CCDC122: variants seen among roughly 807,000 people sequenced by gnomAD.
CCDC122 encodes coiled-coil domain-containing protein 122.
A neutral mutation model predicts 37.0 loss-of-function variants in CCDC122; 38 were observed. The observed-to-expected ratio is 1.03, with a 90% confidence interval of 0.79 to 1.35. The LOEUF is 1.35. CCDC122 is among the 40% of genes most tolerant of loss of function. The pLI, the probability that CCDC122 is intolerant of heterozygous loss-of-function variation, is 0.00. For missense variants in CCDC122, 305 were observed against 310.0 expected (o/e 0.98, Z 0.12); for synonymous variants, 83 against 95.6 (o/e 0.87, Z 0.77).
intron 4 of CCDC122, among the ~76,000 whole-genome samples, chr13:43,861,106 T>C (rs901619577): frequency 3.3e-5 from 5 of 152,202 alleles, no homozygotes; most frequent in African/African-American, 1.2e-4. Flanking sequence ...GGGGATTGGC[T>C]GATTGTAAGA....
chr13:43,837,556 G>T, intron 6 of CCDC122, 127 bp from the exon 7 acceptor site: 1 of 740,616 alleles, frequency 1.4e-6, no homozygotes, highest in Non-Finnish European at 2.0e-6. Flanking sequence ...AAATAATTAT[G>T]ATAAAAATAA....
downstream of CCDC122, among the ~76,000 whole-genome samples, chr13:43,821,579 C>G (rs1378181794): frequency 6.6e-6 from 1 of 152,228 alleles, no homozygotes; most frequent in East Asian, 1.9e-4. Flanking sequence ...AACTCTCTAC[C>G]CCATCTCTTT....
chr13:43,876,998 C>T (rs1954630335), intron 1 of CCDC122, among the ~76,000 whole-genome samples: 2 of 152,136 alleles, frequency 1.3e-5, no homozygotes, highest in East Asian at 3.9e-4. Context: ...GTAATCCTAG[C>T]TACTTGGGAG....
Position 43,836,821 on chromosome 13 carries a change from C to G in CCDC122, c.*459G>C, listed in dbSNP as rs1178605081. The stretch of plus-strand genomic sequence containing the variant: ...GCCGAGACTGCGCCACTGCAGTCCG[C>G]AGTCCGGCCTGGGCGACAGAGCGAG... On this transcript the variant is annotated 3_prime_UTR_variant, in exon 7 of 7. Coordinates refer to ENST00000444614, the MANE Select transcript of CCDC122 (RefSeq NM_144974.5). 1.6e-5 allele frequency: 2 copies of G among 125,394 alleles called. No homozygotes were observed. The highest frequency in any genetic ancestry group is 3.1e-5 in the Non-Finnish European group (2 of 64,194). The allele number at this position is 125,394 out of a possible 1,614,324, so 7.8% of individuals were successfully genotyped here.
chr13:43,860,426 G>T (rs1391361113), intron 4 of CCDC122, among the ~76,000 whole-genome samples: 1 of 152,074 alleles, frequency 6.6e-6, no homozygotes, highest in Admixed American at 6.6e-5. Context: ...ATAAAGCCCT[G>T]AGTTAAGAAT....
At chr13:43,824,703 A>G (rs1953023342) in intron 3 of CCDC122, among the ~76,000 whole-genome samples, 1 of 152,210 alleles carries the variant, frequency 6.6e-6, no homozygotes, top group African/African-American at 2.4e-5. Flanking sequence ...ACAAATCAAC[A>G]AGAAAAAATC....
chr13:43,852,260 G>T (rs1404068260), intron 6 of CCDC122, among the ~76,000 whole-genome samples: 1 of 152,066 alleles, frequency 6.6e-6, no homozygotes, highest in Non-Finnish European at 1.5e-5. Flanking sequence ...GGAGCTGACA[G>T]ACAAAATAGC....
intron 2 of CCDC122, among the ~76,000 whole-genome samples, chr13:43,869,931 G>C (rs1954393486): frequency 1.3e-5 from 2 of 152,028 alleles, no homozygotes; most frequent in Non-Finnish European, 2.9e-5. Context: ...TGCTATTCTG[G>C]AGAGGGCAGG....
chr13:43,873,613 C>T (rs996918278), intron 2 of CCDC122, among the ~76,000 whole-genome samples: 5 of 152,162 alleles, frequency 3.3e-5, no homozygotes, highest in South Asian at 2.1e-4. Flanking sequence ...GCTGCTGCCC[C>T]GATTGACCTA....
intron 2 of CCDC122, chr13:43,874,625 GAA>G (rs1362304226): frequency 1.3e-5 from 2 of 152,016 alleles, no homozygotes; most frequent in Non-Finnish European, 2.9e-5. Context: ...TGTAAAATTG[GAA>G]AAGTTTTAGT....
chr13:43,867,448 C>T (rs1954310191), intron 4 of CCDC122, among the ~76,000 whole-genome samples: 1 of 152,082 alleles, frequency 6.6e-6, no homozygotes, highest in African/African-American at 2.4e-5. Flanking sequence ...CTGTCCTAGA[C>T]ACCTAATCAT....
At chr13:43,827,863 G>A (rs7988214) in intron 3 of CCDC122, among the ~76,000 whole-genome samples, 20,017 of 152,178 alleles carry the variant, frequency 0.13, 1,638 homozygotes, top group African/African-American at 0.22. Context: ...TGTAACCATT[G>A]AAATTTGTCC....
chr13:43,869,265 CT>C, intron 3 of CCDC122, 65 bp downstream of exon 3: 4 of 1,182,568 alleles, frequency 3.4e-6, no homozygotes, highest in East Asian at 4.7e-5. Flanking sequence ...CACAATTATC[CT>C]GCCAGACTAC....
downstream of CCDC122, among the ~76,000 whole-genome samples, chr13:43,819,403 A>C (rs532578863): frequency 6.6e-6 from 1 of 152,368 alleles, no homozygotes; most frequent in South Asian, 2.1e-4. Flanking sequence ...CATCCATTGC[A>C]GTACTATTTG....
chr13:43,839,494 T>C (rs962034288), intron 6 of CCDC122, among the ~76,000 whole-genome samples: 4 of 152,194 alleles, frequency 2.6e-5, no homozygotes, highest in Admixed American at 6.6e-5. Context: ...AGTTCATGAG[T>C]TGATGAACAT....
chr13:43,859,568 G>T, intron 5 of CCDC122, 104 bp downstream of exon 5: 2 of 910,496 alleles, frequency 2.2e-6, no homozygotes, highest in South Asian at 2.4e-5. Context: ...TAATAGGACA[G>T]CTATGGGCAT....
chr13:43,857,623 C>T (rs531026762), intron 6 of CCDC122, among the ~76,000 whole-genome samples: 9 of 152,126 alleles, frequency 5.9e-5, no homozygotes, highest in African/African-American at 2.2e-4. Context: ...TTTTTTCTGG[C>T]CGGGTGTGGT....
chr13:43,834,396 T>G (rs983976658), downstream of CCDC122, among the ~76,000 whole-genome samples: 4 of 152,192 alleles, frequency 2.6e-5, no homozygotes, highest in Admixed American at 6.5e-5. Context: ...GACATAGGCA[T>G]GGGCAAGGAC....
intron 2 of CCDC122, among the ~76,000 whole-genome samples, chr13:43,873,430 A>T (rs1954508333): frequency 6.6e-6 from 1 of 152,170 alleles, no homozygotes; most frequent in African/African-American, 2.4e-5. Context: ...TCAGTAAATT[A>T]TAAGTTCATT....
Sources: gnomAD v4.1 joint callset for allele counts (sites outside exome capture counted in the v4.1 genomes callset) on GRCh38, gnomAD v4.1.1 for gene constraint, MANE v1.5 for transcripts, NCBI Gene and HGNC (gene_info 2026-07-23, HGNC 2026-07-21) for gene names.